The following PCDHA12 variants were observed in gnomAD, a reference collection of about 807,000 sequenced individuals.
PCDHA12 encodes protocadherin alpha 12, also known as protocadherin alpha-12.
Under a neutral mutation model 60.0 loss-of-function variants are expected in PCDHA12, and 44 were observed. The observed-to-expected ratio is 0.73, with a 90% CI of 0.58 to 0.94. The LOEUF (loss-of-function observed/expected upper bound fraction) is 0.94, where lower values mean the gene tolerates loss of function less well. PCDHA12 is among the 40% of genes least tolerant of loss of function. The pLI is 0.00. For missense variants in PCDHA12, 1,276 were observed against 1,239.7 expected, an observed-to-expected ratio of 1.03 and a Z score of -0.44; for synonymous variants, 569 against 553.0, an observed-to-expected ratio of 1.03 and a Z score of -0.40.
chr5:140,991,844 C>T (rs892318388), intron 3 of PCDHA12, among the ~76,000 whole-genome samples: 2 of 152,334 alleles, frequency 1.3e-5, no homozygotes, highest in Middle Eastern at 6.8e-3. Flanking sequence ...AACCGCACTT[C>T]CAGATACCAA....
At chr5:140,927,906 C>G (rs116016831) in intron 1 of PCDHA12, 1 of 1,614,180 alleles carries the variant, frequency 6.2e-7, no homozygotes, top group Non-Finnish European at 8.5e-7. Flanking sequence ...ATCATGCCCC[C>G]GAACTGGACT....
chr5:140,981,944 G>A (rs893119825), intron 2 of PCDHA12, among the ~76,000 whole-genome samples: 2 of 152,174 alleles, frequency 1.3e-5, no homozygotes, highest in Non-Finnish European at 2.9e-5. Flanking sequence ...GAAATATAGG[G>A]TGGGTCATCT....
intron 1 of PCDHA12, among the ~76,000 whole-genome samples, chr5:140,949,636 T>C (rs1047386786): frequency 1.3e-5 from 2 of 151,898 alleles, no homozygotes; most frequent in Non-Finnish European, 3.0e-5. Context: ...GGCATATTGC[T>C]TTTTGTTCAT....
intron 1 of PCDHA12, among the ~76,000 whole-genome samples, chr5:140,941,977 A>G (rs1247578104): frequency 6.6e-6 from 1 of 152,154 alleles, no homozygotes; most frequent in Admixed American, 6.5e-5. Context: ...CTTTCCCTAA[A>G]CCTTGATAAG....
At chr5:140,940,564 T>G (rs1481591678) in intron 1 of PCDHA12, among the ~76,000 whole-genome samples, 2 of 152,228 alleles carry the variant, frequency 1.3e-5, no homozygotes, top group African/African-American at 4.8e-5. Flanking sequence ...TTCTCCTACC[T>G]TGGCTCCCAA....
intron 1 of PCDHA12, among the ~76,000 whole-genome samples, chr5:140,920,617 G>A (rs569983611): frequency 9.7e-4 from 148 of 152,170 alleles, no homozygotes; most frequent in African/African-American, 2.6e-3. Context: ...AGGCCGAGGC[G>A]GATGGATCAC....
At chr5:140,944,865 T>G (rs1227128611) in intron 1 of PCDHA12, among the ~76,000 whole-genome samples, 3 of 152,166 alleles carry the variant, frequency 2.0e-5, no homozygotes, top group Non-Finnish European at 4.4e-5. Flanking sequence ...TTATTTATCT[T>G]AACCACCTAC....
intron 1 of PCDHA12, among the ~76,000 whole-genome samples, chr5:140,923,228 C>A (rs2338302): frequency 1.4e-5 from 1 of 71,808 alleles, no homozygotes; most frequent in South Asian, 4.8e-4. Context: ...TCGTTTGAGC[C>A]CAGAAGTTTG....
intron 1 of PCDHA12, among the ~76,000 whole-genome samples, chr5:140,890,952 G>C (rs555852578): frequency 1.9e-4 from 29 of 152,236 alleles, no homozygotes; most frequent in African/African-American, 7.0e-4. Context: ...GGTGAGGAAT[G>C]ATTTCAGGTT....
intron 1 of PCDHA12, among the ~76,000 whole-genome samples, chr5:140,940,019 T>C (rs1554213082): frequency 6.6e-6 from 1 of 152,230 alleles, no homozygotes; most frequent in East Asian, 1.9e-4. Context: ...TTGTGTCATA[T>C]GTTTTAAGGC....
chr5:140,967,817 G>A, intron 1 of PCDHA12: 1 of 1,614,182 alleles, frequency 6.2e-7, no homozygotes. Context: ...TCACTGCAAG[G>A]TGCTGGTGGA....
rs372608018 is a variant in PCDHA12, at chr5:140,875,736, T to C, written c.264T>C (p.Ser88=). The C allele has an allele frequency of 2.5e-6, 4 of 1,614,088 alleles. No homozygotes were observed. The African/African-American group carries it at 4.0e-5, about 16-fold the overall frequency. ...NLQNGILFVN[S]RIDREKLCGR... ...AGAATGGCATTTTGTTTGTGAATTCTCGGATCGACCGCGAGAAGCTGTGCG... is the reference window on the plus strand; with the variant it reads ...AGAATGGCATTTTGTTTGTGAATTCCCGGATCGACCGCGAGAAGCTGTGCG... The change falls in exon 1 of 4, where the codon TCT becomes TCC. Residue 88 remains serine, a synonymous_variant. Transcript: ENST00000398631.
At chr5:140,902,917 T>G (rs1235478755) in intron 1 of PCDHA12, among the ~76,000 whole-genome samples, 1 of 152,230 alleles carries the variant, frequency 6.6e-6, no homozygotes, top group Non-Finnish European at 1.5e-5. Context: ...CTGAGTAGTA[T>G]TGCATGGTGT....
intron 1 of PCDHA12, among the ~76,000 whole-genome samples, chr5:140,958,658 A>T (rs1207660771): frequency 6.6e-6 from 1 of 152,174 alleles, no homozygotes; most frequent in African/African-American, 2.4e-5. Flanking sequence ...GAAAGCTATG[A>T]TGAAATTTTA....
rs782119738 is a variant in PCDHA12, at chr5:140,927,224, G to A, written c.2367+49385G>A. ...GACCCGCTGGAGCTGCACAAGATTC[G>A]GATTCACGTCCTGGACACCAATGAC... On this transcript the variant is annotated intron_variant, in intron 1 of 3. Coordinates refer to ENST00000398631, the MANE Select transcript of PCDHA12 (RefSeq NM_018903.4). 3 of 1,614,072 alleles carry A rather than the reference G, an allele frequency of 1.9e-6. No homozygotes were observed. The South Asian group carries it at 3.3e-5, about 18-fold the overall frequency.
chr5:140,875,987 TAA>T lies in PCDHA12; in HGVS notation c.516_517del (p.Leu174LysfsTer2), dbSNP rs781909320. On this transcript the variant is annotated frameshift_variant, in exon 1 of 4. Transcript: ENST00000398631. LOFTEE classifies it high-confidence loss of function. ...GTAAACTCTCTTTTGACCTATGCGT[TAA>T]GTCTAAATGAGAATTTTGAGCTTAA... is the stretch of plus-strand genomic sequence containing the variant. The T allele has an allele frequency of 2.5e-6, 4 of 1,613,914 alleles. No homozygotes were observed. The highest frequency in any genetic ancestry group is 1.7e-5 in the Admixed American group (1 of 60,016).
intron 1 of PCDHA12, chr5:140,966,644 GCGTGAGCGGT>G (rs1554228519): frequency 3.3e-5 from 37 of 1,127,012 alleles, no homozygotes; most frequent in Non-Finnish European, 4.3e-5. Flanking sequence ...GCTTTCTAGA[GCGTGAGCGGT>G]GGGGGAGCAG....
intron 1 of PCDHA12, among the ~76,000 whole-genome samples, chr5:140,957,326 C>G (rs2095350528): frequency 6.6e-6 from 1 of 152,118 alleles, no homozygotes; most frequent in African/African-American, 2.4e-5. Context: ...GAGCACAGTA[C>G]AGTAAGATAT....
chr5:140,923,297 G>C (rs1554201355), intron 1 of PCDHA12, among the ~76,000 whole-genome samples: 1 of 152,186 alleles, frequency 6.6e-6, no homozygotes, highest in African/African-American at 2.4e-5. Flanking sequence ...AATTAGCTGG[G>C]CGTGGGGGCG....
Sources: allele counts gnomAD v4.1 joint callset (sites outside exome capture counted in the v4.1 genomes callset), GRCh38; gene constraint gnomAD v4.1.1; transcripts MANE v1.5; gene names NCBI Gene and HGNC (gene_info 2026-07-23, HGNC 2026-07-21).